RBFOX1: variants seen among roughly 807,000 people sequenced by gnomAD.
RBFOX1 encodes the protein RNA binding fox-1 homolog 1.
Under a neutral mutation model 57.7 loss-of-function variants are expected in RBFOX1, and 8 were observed. That is an observed-to-expected ratio of 0.14 (90% CI 0.08 to 0.25). The LOEUF is 0.25. Among genes scored for constraint, RBFOX1 ranks in the 10% least tolerant of loss-of-function variants. The pLI is 1.00. For synonymous variants in RBFOX1, 326 were observed against 222.4 expected, an observed-to-expected ratio of 1.47 and a Z score of -4.15; for missense variants, 611 against 548.5, an observed-to-expected ratio of 1.11 and a Z score of -1.14.
intron 1 of RBFOX1, among the ~76,000 whole-genome samples, chr16:6,196,936 A>G (rs1350223701): frequency 6.6e-6 from 1 of 152,100 alleles, no homozygotes; most frequent in Non-Finnish European, 1.5e-5. Flanking sequence ...GTGTAACATC[A>G]TTCAGTGACA....
At chr16:6,747,823 T>C (rs558961329) in intron 3 of RBFOX1, among the ~76,000 whole-genome samples, 70 of 152,274 alleles carry the variant, frequency 4.6e-4, no homozygotes, top group Admixed American at 1.4e-3. Context: ...CCTCAGTCCC[T>C]ACCCGCCATC....
intron 1 of RBFOX1, among the ~76,000 whole-genome samples, chr16:5,300,123 G>A (rs1294461369): frequency 6.6e-6 from 1 of 151,190 alleles, no homozygotes; most frequent in Non-Finnish European, 1.5e-5. Flanking sequence ...TTTGAGTCAT[G>A]AACCAATCTT....
chr16:5,924,851 GC>G (rs765611787), intron 4 of RBFOX1, among the ~76,000 whole-genome samples: 11 of 152,140 alleles, frequency 7.2e-5, no homozygotes, highest in Non-Finnish European at 1.6e-4. Flanking sequence ...ATGCTGTGGG[GC>G]CCAGGGATTG....
At chr16:7,527,226 G>A (rs2078909371) in intron 5 of RBFOX1, among the ~76,000 whole-genome samples, 1 of 152,120 alleles carries the variant, frequency 6.6e-6, no homozygotes, top group Non-Finnish European at 1.5e-5. Flanking sequence ...TTCCTTAGGA[G>A]CCTGAGCACT....
intron 4 of RBFOX1, among the ~76,000 whole-genome samples, chr16:5,903,071 T>TA (rs1287281699): frequency 6.6e-6 from 1 of 152,106 alleles, no homozygotes; most frequent in Non-Finnish European, 1.5e-5. Flanking sequence ...TGAGCCGACT[T>TA]ACTGTTTGTA....
chr16:7,199,902 C>G (rs958530939), intron 4 of RBFOX1, among the ~76,000 whole-genome samples: 3 of 147,126 alleles, frequency 2.0e-5, no homozygotes, highest in Non-Finnish European at 3.0e-5. Flanking sequence ...CTCAAAAAAA[C>G]AAAACAAAAC....
At chr16:5,743,234 C>G (rs2052844625) in intron 3 of RBFOX1, among the ~76,000 whole-genome samples, 1 of 152,188 alleles carries the variant, frequency 6.6e-6, no homozygotes, top group Non-Finnish European at 1.5e-5. Flanking sequence ...CAGAACACTA[C>G]TCACATCCCA....
At chr16:6,467,845 G>A (rs1298406435) in intron 2 of RBFOX1, among the ~76,000 whole-genome samples, 1 of 152,136 alleles carries the variant, frequency 6.6e-6, no homozygotes, top group East Asian at 1.9e-4. Flanking sequence ...TTCTATTTTT[G>A]TAATATTATG....
intron 3 of RBFOX1, among the ~76,000 whole-genome samples, chr16:6,751,411 G>A (rs891007228): frequency 2.0e-5 from 3 of 152,138 alleles, no homozygotes; most frequent in African/African-American, 7.2e-5. Context: ...GTTCCCTAAA[G>A]GAGGGTGGTC....
intron 1 of RBFOX1, among the ~76,000 whole-genome samples, chr16:6,140,119 C>T (rs763034520): frequency 6.6e-6 from 1 of 151,986 alleles, no homozygotes; most frequent in African/African-American, 2.4e-5. Flanking sequence ...CTTCTTACAC[C>T]ATCTTTGTTA....
intron 1 of RBFOX1, among the ~76,000 whole-genome samples, chr16:6,281,990 A>G (rs943972820): frequency 6.6e-6 from 1 of 152,170 alleles, no homozygotes; most frequent in Non-Finnish European, 1.5e-5. Context: ...AGCGTTTGTT[A>G]TTGGGCAAAA....
At chr16:7,421,951 C>T (rs2098546875) in intron 4 of RBFOX1, among the ~76,000 whole-genome samples, 1 of 152,144 alleles carries the variant, frequency 6.6e-6, no homozygotes, top group Non-Finnish European at 1.5e-5. Context: ...TGCCCAGTCC[C>T]TAAAGCCATA....
intron 1 of RBFOX1, among the ~76,000 whole-genome samples, chr16:6,193,665 C>T (rs2097161845): frequency 6.6e-6 from 1 of 151,812 alleles, no homozygotes; most frequent in African/African-American, 2.4e-5. Context: ...AAATGCTAAA[C>T]ATTTTGAATT....
At chr16:7,292,426 G>C (rs1173517449) in intron 4 of RBFOX1, among the ~76,000 whole-genome samples, 1 of 135,048 alleles carries the variant, frequency 7.4e-6, no homozygotes, top group African/African-American at 2.8e-5. Flanking sequence ...TATATATAAG[G>C]TATTATATAT....
chr16:7,404,149 T>A (rs1275067502), intron 4 of RBFOX1, among the ~76,000 whole-genome samples: 1 of 151,594 alleles, frequency 6.6e-6, no homozygotes, highest in African/African-American at 2.4e-5. Flanking sequence ...ACCTCCCAGG[T>A]TCAAGCGATT....
intron 4 of RBFOX1, among the ~76,000 whole-genome samples, chr16:7,089,936 T>C (rs1244800891): frequency 6.6e-6 from 1 of 152,302 alleles, no homozygotes; most frequent in East Asian, 1.9e-4. Context: ...GCAGAGACTT[T>C]AAATTGGAAC....
chr16:6,962,161 A>C (rs762130995), intron 3 of RBFOX1, among the ~76,000 whole-genome samples: 1 of 152,068 alleles, frequency 6.6e-6, no homozygotes, highest in Non-Finnish European at 1.5e-5. Context: ...CCTCCTTTCT[A>C]CTTCCAAATG....
At chr16:5,696,490 C>G (rs1269444703) in intron 3 of RBFOX1, among the ~76,000 whole-genome samples, 1 of 152,158 alleles carries the variant, frequency 6.6e-6, no homozygotes, top group Non-Finnish European at 1.5e-5. Flanking sequence ...CTTCCTTGTG[C>G]TTTGACTAAA....
At chr16:6,918,606 C>T (rs900997845) in intron 3 of RBFOX1, among the ~76,000 whole-genome samples, 2 of 152,092 alleles carry the variant, frequency 1.3e-5, no homozygotes, top group Non-Finnish European at 2.9e-5. Flanking sequence ...AATTATTTAT[C>T]TTACCCAAAT....
Sources: gnomAD v4.1 joint callset for allele counts (sites outside exome capture counted in the v4.1 genomes callset) on GRCh38, gnomAD v4.1.1 for gene constraint, MANE v1.5 for transcripts, NCBI Gene and HGNC (gene_info 2026-07-23, HGNC 2026-07-21) for gene names.